The following RAD51B variants were observed in gnomAD, a reference collection of about 807,000 sequenced individuals.
RAD51B encodes DNA repair protein RAD51 homolog 2.
In RAD51B, 38 loss-of-function variants were observed where a neutral mutation model predicts 42.2. The observed-to-expected ratio is 0.90, with a 90% CI of 0.70 to 1.18. The LOEUF (loss-of-function observed/expected upper bound fraction) is 1.18, where lower values mean the gene tolerates loss of function less well. Ranked by LOEUF, RAD51B falls within the 50% of genes most tolerant of loss-of-function variation. The pLI is 0.00. For missense variants in RAD51B, 373 were observed against 400.7 expected (o/e 0.93, Z 0.59); for synonymous variants, 154 against 145.2 (o/e 1.06, Z -0.43).
At chr14:68,587,130 A>C (rs1439613109) in intron 10 of RAD51B, among the ~76,000 whole-genome samples, 4 of 152,120 alleles carry the variant, frequency 2.6e-5, no homozygotes, top group African/African-American at 9.7e-5. Flanking sequence ...GCCTGCGCAT[A>C]AGAGGCCCTC....
At chr14:68,390,455 A>T (rs2083714408) in intron 8 of RAD51B, among the ~76,000 whole-genome samples, 1 of 152,212 alleles carries the variant, frequency 6.6e-6, no homozygotes. Flanking sequence ...GTCACCTGGA[A>T]CACTAGTGTT....
intron 7 of RAD51B, among the ~76,000 whole-genome samples, chr14:68,264,262 A>G (rs1315291403): frequency 6.6e-6 from 1 of 152,236 alleles, no homozygotes; most frequent in African/African-American, 2.4e-5. Flanking sequence ...CAACATGCCT[A>G]TCCCATTTGG....
chr14:68,198,511 G>A (rs902046573), intron 7 of RAD51B, among the ~76,000 whole-genome samples: 15 of 152,254 alleles, frequency 9.9e-5, no homozygotes, highest in Middle Eastern at 3.4e-3. Flanking sequence ...TAATGAATCT[G>A]TGTTGAACTC....
intron 7 of RAD51B, among the ~76,000 whole-genome samples, chr14:68,185,259 T>A (rs1292884874): frequency 6.6e-6 from 1 of 152,158 alleles, no homozygotes; most frequent in Non-Finnish European, 1.5e-5. Flanking sequence ...AAATAATAAC[T>A]ACATAATAAA....
chr14:68,074,929 T>C (rs2076808280), intron 7 of RAD51B, among the ~76,000 whole-genome samples: 1 of 152,232 alleles, frequency 6.6e-6, no homozygotes, highest in Non-Finnish European at 1.5e-5. Context: ...GTGCTCCCTT[T>C]CAGTGGTCTG....
chr14:67,882,165 G>T (rs2042927442), intron 5 of RAD51B, among the ~76,000 whole-genome samples: 1 of 151,920 alleles, frequency 6.6e-6, no homozygotes, highest in Non-Finnish European at 1.5e-5. Context: ...TACAGATAAG[G>T]TTTTGGTATG....
At chr14:67,874,029 G>T (rs1456277646) in intron 5 of RAD51B, among the ~76,000 whole-genome samples, 1 of 151,434 alleles carries the variant, frequency 6.6e-6, no homozygotes, top group Non-Finnish European at 1.5e-5. Context: ...CATGGCACAT[G>T]TATACATATG....
At chr14:68,313,109 A>G (rs1013646397) in intron 8 of RAD51B, among the ~76,000 whole-genome samples, 1 of 152,200 alleles carries the variant, frequency 6.6e-6, no homozygotes, top group African/African-American at 2.4e-5. Context: ...TATGCAAAAC[A>G]TTATTTCGGT....
chr14:68,190,331 T>C (rs1210655214), intron 7 of RAD51B, among the ~76,000 whole-genome samples: 1 of 152,216 alleles, frequency 6.6e-6, no homozygotes, highest in African/African-American at 2.4e-5. Flanking sequence ...GAAATATCTT[T>C]ACTTTGTATT....
intron 7 of RAD51B, among the ~76,000 whole-genome samples, chr14:68,266,062 C>T (rs982786623): frequency 6.6e-6 from 1 of 152,160 alleles, no homozygotes; most frequent in African/African-American, 2.4e-5. Context: ...CCTGAGCAGT[C>T]CTTGCCTGGC....
chr14:68,421,743 C>T, intron 9 of RAD51B: 6 of 1,595,964 alleles, frequency 3.8e-6, no homozygotes, highest in Non-Finnish European at 5.1e-6. Context: ...TCTTGCTGGT[C>T]TTGCCATTCC....
At chr14:68,616,687 CT>C (rs1891833514) in intron 10 of RAD51B, among the ~76,000 whole-genome samples, 2 of 152,098 alleles carry the variant, frequency 1.3e-5, no homozygotes, top group African/African-American at 4.8e-5. Flanking sequence ...TGTTCTCCCT[CT>C]TTTTTCTTTT....
intron 7 of RAD51B, among the ~76,000 whole-genome samples, chr14:68,067,389 A>G (rs1267807297): frequency 1.3e-5 from 2 of 151,224 alleles, no homozygotes; most frequent in Non-Finnish European, 3.0e-5. Context: ...GCTTGAACCC[A>G]AGAGGTGGAG....
chr14:67,865,272 C>T, intron 5 of RAD51B, 133 bp downstream of exon 5: 1 of 912,268 alleles, frequency 1.1e-6, no homozygotes, highest in East Asian at 3.3e-5. Flanking sequence ...GAGTCTTGCT[C>T]TGTTGCCGGG....
intron 5 of RAD51B, among the ~76,000 whole-genome samples, chr14:67,876,213 A>C (rs903973337): frequency 2.0e-5 from 3 of 152,238 alleles, no homozygotes; most frequent in African/African-American, 7.2e-5. Context: ...ACAGAGATAT[A>C]GTACGTATGT....
At chr14:68,618,329 T>A (rs1891868524) in intron 10 of RAD51B, among the ~76,000 whole-genome samples, 1 of 152,160 alleles carries the variant, frequency 6.6e-6, no homozygotes, top group Admixed American at 6.5e-5. Context: ...ACAGAAAGGA[T>A]GTTTATTCCC....
downstream of RAD51B, among the ~76,000 whole-genome samples, chr14:68,613,333 G>C (rs1308920333): frequency 6.6e-6 from 1 of 151,812 alleles, no homozygotes; most frequent in African/African-American, 2.4e-5. Context: ...CAGGAGAATT[G>C]CTTGAACCCA....
At chr14:68,309,555 C>T (rs901475566) in intron 8 of RAD51B, among the ~76,000 whole-genome samples, 1 of 152,124 alleles carries the variant, frequency 6.6e-6, no homozygotes, top group Non-Finnish European at 1.5e-5. Flanking sequence ...GATCATAAAG[C>T]CAAATAGTTC....
chr14:68,334,908 T>TATATC (rs3075404), intron 8 of RAD51B, among the ~76,000 whole-genome samples: 96,561 of 145,322 alleles, frequency 0.66, 32,745 homozygotes, highest in Non-Finnish European at 0.73. Context: ...ATAGGATAGA[T>TATATC]ATATTTTATG....
Sources: allele counts gnomAD v4.1 joint callset (sites outside exome capture counted in the v4.1 genomes callset), GRCh38; gene constraint gnomAD v4.1.1; transcripts MANE v1.5; gene names NCBI Gene and HGNC (gene_info 2026-07-23, HGNC 2026-07-21).